The following TET1 variants were observed in gnomAD, a reference collection of about 807,000 sequenced individuals.
TET1 encodes methylcytosine dioxygenase TET1.
TET1 carries 13 observed loss-of-function variants against 148.7 expected under a neutral mutation model. The ratio of observed to expected loss-of-function variants is 0.09; its 90% CI spans 0.06 to 0.14. The LOEUF (loss-of-function observed/expected upper bound fraction) is 0.14. Among genes scored for constraint, TET1 ranks in the 10% least tolerant of loss-of-function variants. The probability of loss-of-function intolerance (pLI) is 1.00; values close to 1 mark genes in which losing one functional copy is unlikely to be tolerated. For missense variants in TET1, 2,182 were observed against 2,553.8 expected, an observed-to-expected ratio of 0.85 and a Z score of 3.14; for synonymous variants, 907 against 937.2, an observed-to-expected ratio of 0.97 and a Z score of 0.59.
intron 3 of TET1, among the ~76,000 whole-genome samples, chr10:68,626,724 A>G (rs920466383): frequency 6.1e-5 from 9 of 148,122 alleles, no homozygotes; most frequent in Admixed American, 4.7e-4. Flanking sequence ...CAATTTTTTT[A>G]TATTTTTGGT....
chr10:68,602,322 C>G (rs2054067220), intron 3 of TET1, among the ~76,000 whole-genome samples: 1 of 152,156 alleles, frequency 6.6e-6, no homozygotes, highest in Non-Finnish European at 1.5e-5. Context: ...CTTTTCCTTC[C>G]AACAGAGATA....
At chr10:68,663,925 A>C (rs188523232) in intron 6 of TET1, among the ~76,000 whole-genome samples, 2 of 152,298 alleles carry the variant, frequency 1.3e-5, no homozygotes, top group East Asian at 3.9e-4. Flanking sequence ...TTCAAGAATA[A>C]TCTTAGCTGC....
chr10:68,593,155 C>A lies in TET1; in HGVS notation c.1915-7826C>A, dbSNP rs116228928. ...GCTGAGGCAGGAGAATCGCTTGAAC[C>A]CGAAAGTTGAAGGTCGCAGTGAGCT... is the stretch of plus-strand genomic sequence containing the variant. On this transcript the variant is annotated intron_variant, in intron 2 of 11. Transcript: ENST00000373644. Among the ~76,000 whole-genome samples, 953 of 148,854 alleles carry A rather than the reference C, an allele frequency of 6.4e-3. 18 individuals are homozygous for A. The highest frequency in any genetic ancestry group is 0.023 in the African/African-American group (912 of 40,274).
At chr10:68,659,923 G>T (rs1453727092) in intron 6 of TET1, among the ~76,000 whole-genome samples, 3 of 152,176 alleles carry the variant, frequency 2.0e-5, no homozygotes, top group Non-Finnish European at 4.4e-5. Context: ...TATTGTAAAA[G>T]TCTCATTTTC....
intron 6 of TET1, among the ~76,000 whole-genome samples, chr10:68,661,225 G>GTTTTTTTTTTTT (rs1564498225): frequency 1.7e-4 from 16 of 94,832 alleles, no homozygotes; most frequent in African/African-American, 5.8e-4. Flanking sequence ...TTTTTTTGTA[G>GTTTTTTTTTTTT]TTTTAGTAGA....
At chr10:68,629,836 A>C (rs1016359818) in intron 3 of TET1, among the ~76,000 whole-genome samples, 2 of 152,118 alleles carry the variant, frequency 1.3e-5, no homozygotes, top group African/African-American at 4.8e-5. Context: ...GCACCCAGCC[A>C]AAAGTATATT....
chr10:68,634,860 C>T (rs1187182377), intron 3 of TET1, among the ~76,000 whole-genome samples: 1 of 152,096 alleles, frequency 6.6e-6, no homozygotes, highest in Non-Finnish European at 1.5e-5. Flanking sequence ...CTCCCAGGTT[C>T]AAGCAATTCT....
intron 8 of TET1, among the ~76,000 whole-genome samples, chr10:68,678,141 A>G (rs2055386772): frequency 6.6e-6 from 1 of 152,164 alleles, no homozygotes; most frequent in African/African-American, 2.4e-5. Flanking sequence ...TGTTTGAACA[A>G]TAGACTAAAT....
chr10:68,644,007 C>T (rs1009889830), intron 3 of TET1, among the ~76,000 whole-genome samples: 2 of 151,276 alleles, frequency 1.3e-5, no homozygotes, highest in African/African-American at 2.4e-5. Flanking sequence ...CGGGTTCAAG[C>T]GATTCTTGTG....
chr10:68,577,056 C>A (rs1347938727), intron 2 of TET1, among the ~76,000 whole-genome samples: 1 of 152,092 alleles, frequency 6.6e-6, no homozygotes, highest in Non-Finnish European at 1.5e-5. Flanking sequence ...CTACAGGTGC[C>A]CGCCACCGCG....
chr10:68,579,063 A>G (rs1350427504), intron 2 of TET1, among the ~76,000 whole-genome samples: 3 of 152,166 alleles, frequency 2.0e-5, no homozygotes, highest in Admixed American at 6.5e-5. Context: ...CTTTTACTCA[A>G]TCAAGTCACG....
chr10:68,646,317 A>G lies in TET1; in HGVS notation c.3588A>G (p.Gln1196=), dbSNP rs373361746. ...ICDIWIASKF[Q]NFGQFCPHDF... ...ACATTTGGATAGCATCGAAATTTCA[A>G]AATTTTGGGCAATTTTGTCCACATG... is the stretch of plus-strand genomic sequence containing the variant. Residue 1196 remains glutamine (Q), a synonymous_variant, in exon 4 of 12, where the codon CAA becomes CAG. Coordinates refer to ENST00000373644, the MANE Select transcript of TET1 (RefSeq NM_030625.3). 1.2e-6 allele frequency: 2 copies of G among 1,614,166 alleles called. No homozygotes were observed. Among genetic ancestry groups the G allele is most frequent in the South Asian group, 2.2e-5 (2 of 91,078 alleles).
At chr10:68,671,534 G>T (rs192314646) in intron 7 of TET1, among the ~76,000 whole-genome samples, 14 of 152,320 alleles carry the variant, frequency 9.2e-5, no homozygotes, top group Admixed American at 9.2e-4. Flanking sequence ...CTTTATGGTA[G>T]AACGATTTAT....
intron 11 of TET1, 101 bp downstream of exon 11, chr10:68,686,808 G>C: frequency 2.8e-6 from 3 of 1,069,398 alleles, no homozygotes; most frequent in Non-Finnish European, 4.0e-6. Flanking sequence ...CTAAGACACT[G>C]AATATATTTT....
intron 6 of TET1, among the ~76,000 whole-genome samples, chr10:68,655,555 G>A (rs1175334936): frequency 6.6e-6 from 1 of 152,166 alleles, no homozygotes; most frequent in Non-Finnish European, 1.5e-5. Context: ...ATGTAACTAG[G>A]CTTATTGGTG....
chr10:68,627,220 C>T (rs2054497540), intron 3 of TET1, among the ~76,000 whole-genome samples: 1 of 152,032 alleles, frequency 6.6e-6, no homozygotes, highest in Non-Finnish European at 1.5e-5. Context: ...CCAGCCTGGC[C>T]AACACGGTAA....
At chr10:68,627,823 C>T (rs952248645) in intron 3 of TET1, among the ~76,000 whole-genome samples, 6 of 151,642 alleles carry the variant, frequency 4.0e-5, no homozygotes, top group Admixed American at 3.9e-4. Context: ...GTAATCCCAG[C>T]GACTTGGGAG....
intron 8 of TET1, among the ~76,000 whole-genome samples, chr10:68,677,655 A>G (rs2055379020): frequency 6.6e-6 from 1 of 152,034 alleles, no homozygotes; most frequent in African/African-American, 2.4e-5. Context: ...CTGCCTGGCA[A>G]TTTTTTTAAT....
intron 3 of TET1, among the ~76,000 whole-genome samples, chr10:68,602,597 T>C (rs1271960032): frequency 1.3e-5 from 2 of 152,340 alleles, no homozygotes; most frequent in South Asian, 2.1e-4. Context: ...TTTTGTTAGA[T>C]TGTGAGTGTC....
Sources: gnomAD v4.1 joint callset for allele counts (sites outside exome capture counted in the v4.1 genomes callset) on GRCh38, gnomAD v4.1.1 for gene constraint, MANE v1.5 for transcripts, NCBI Gene and HGNC (gene_info 2026-07-23, HGNC 2026-07-21) for gene names.